The following DOCK1 variants were observed in gnomAD, a reference collection of about 807,000 sequenced individuals.
DOCK1 encodes the protein dedicator of cytokinesis protein 1.
Under a neutral mutation model 262.7 loss-of-function variants are expected in DOCK1, and 138 were observed. The ratio of observed to expected loss-of-function variants is 0.53; its 90% confidence interval spans 0.46 to 0.61. The LOEUF (loss-of-function observed/expected upper bound fraction) is 0.61. Ranked by LOEUF, DOCK1 falls within the 20% of genes least tolerant of loss-of-function variation. The pLI is 0.00. For missense variants in DOCK1, 1,908 were observed against 2,370.7 expected (o/e 0.80, Z 4.05); for synonymous variants, 866 against 867.4 (o/e 1.00, Z 0.03).
At position 127,439,157 on chromosome 10, in the gene DOCK1, T is replaced by C; in HGVS notation, c.5191T>C (p.Phe1731Leu). Residue 1731 changes from phenylalanine (F) to leucine (L), a missense_variant, in exon 49 of 52, where the codon TTT becomes CTT. Phe to Leu is a conservative substitution (Grantham distance 22, BLOSUM62 0). This residue lies in a region of DOCK1 where 383 missense variants were observed against 420.1 expected (regional missense o/e 0.91). Transcript: ENST00000623213. ...EKRNSKHQEI[F>L]EKEFKPTDIS... ...AAGGAACAGCAAACATCAAGAGATA[T>C]TTGAGAAAGAATTTAAACCCACCGA... 12 of 1,609,762 alleles carry C rather than the reference T, an allele frequency of 7.5e-6. No homozygotes were observed. Among genetic ancestry groups the C allele is most frequent in the Non-Finnish European group, 9.3e-6 (11 of 1,178,128 alleles).
At chr10:127,415,303 TC>T in intron 44 of DOCK1, 65 bp downstream of exon 44, 2 of 1,502,352 alleles carry the variant, frequency 1.3e-6, no homozygotes, top group South Asian at 2.4e-5. Context: ...TGCCACGCCT[TC>T]TTCACCTGCT....
intron 27 of DOCK1, among the ~76,000 whole-genome samples, chr10:127,188,413 C>T (rs114021422): frequency 0.018 from 2,723 of 152,178 alleles, 74 homozygotes; most frequent in African/African-American, 0.058. Context: ...TGGTTGGAGA[C>T]GCAAAACATT....
intron 27 of DOCK1, among the ~76,000 whole-genome samples, chr10:127,159,171 G>C (rs945348766): frequency 2.0e-5 from 3 of 152,180 alleles, no homozygotes; most frequent in African/African-American, 7.2e-5. Context: ...TCTACAAGGT[G>C]GTTTTTGTGG....
In DOCK1 at chr10:127,176,638, C is replaced by T. The variant is rs962227566; in HGVS notation, c.2847+48874C>T. 1.2e-4 allele frequency among the ~76,000 whole-genome samples: 18 copies of T among 152,166 alleles called. No homozygotes were observed. Among genetic ancestry groups the T allele is most frequent in the African/African-American group, 4.1e-4 (17 of 41,432 alleles). The stretch of plus-strand genomic sequence containing the variant: ...TTTCCAGGTGGGATACACTCGCTTT[C>T]CTTTTGACAGTAATGCATGTTTCCC... On this transcript the variant is annotated intron_variant, in intron 27 of 51. Coordinates refer to ENST00000623213, the MANE Select transcript of DOCK1 (RefSeq NM_001290223.2). This position sits in a 1 kb window ranked among gnomAD's most constrained non-coding sequence, Gnocchi z 4.4.
intron 27 of DOCK1, among the ~76,000 whole-genome samples, chr10:127,240,909 A>G (rs2059241615): frequency 6.6e-6 from 1 of 152,222 alleles, no homozygotes; most frequent in Non-Finnish European, 1.5e-5. Context: ...TAAATCTGAG[A>G]AATATGATAG....
At chr10:127,316,182 T>G (rs183441548) in intron 29 of DOCK1, among the ~76,000 whole-genome samples, 150 of 152,326 alleles carry the variant, frequency 9.8e-4, no homozygotes, top group African/African-American at 3.4e-3. Flanking sequence ...CACCTAAAAT[T>G]TACTCACGTA....
At chr10:127,259,836 C>G (rs1384992517) in intron 29 of DOCK1, among the ~76,000 whole-genome samples, 1 of 147,798 alleles carries the variant, frequency 6.8e-6, no homozygotes, top group East Asian at 2.0e-4. Flanking sequence ...TCAGTTGGAA[C>G]ATCATAGCCG....
intron 27 of DOCK1, among the ~76,000 whole-genome samples, chr10:127,247,507 A>G (rs2059472702): frequency 1.3e-5 from 2 of 152,162 alleles, no homozygotes. Flanking sequence ...GCCGGATAAT[A>G]AGGGCAGCAA....
chr10:127,243,901 G>A (rs2059346953), intron 27 of DOCK1, among the ~76,000 whole-genome samples: 1 of 152,078 alleles, frequency 6.6e-6, no homozygotes, highest in African/African-American at 2.4e-5. Flanking sequence ...CTCCACTCAT[G>A]ACTATCTGGT....
rs145332946 is a variant in DOCK1 at position 127,348,556 on chromosome 10, A to T, written c.3224+4810A>T. Among the ~76,000 whole-genome samples, 140 of 152,288 alleles carry T rather than the reference A, an allele frequency of 9.2e-4. 1 individual carries two copies. Among genetic ancestry groups the T allele is most frequent in the African/African-American group, 3.2e-3 (133 of 41,554 alleles). ...ATTTCAGCGCAAGAGGTTAAGTTTG[A>T]TGGCAAAGTCCAGCTCAGTGCAGAG... On this transcript the variant is annotated intron_variant, in intron 31 of 51. Transcript: ENST00000623213.
intron 29 of DOCK1, among the ~76,000 whole-genome samples, chr10:127,280,532 G>T (rs1247227937): frequency 6.6e-6 from 1 of 152,190 alleles, no homozygotes; most frequent in Non-Finnish European, 1.5e-5. Context: ...AATGAAGGGA[G>T]CTCAGTCATC....
intron 39 of DOCK1, among the ~76,000 whole-genome samples, chr10:127,404,081 G>T (rs2067374785): frequency 6.6e-6 from 1 of 152,132 alleles, no homozygotes; most frequent in African/African-American, 2.4e-5. Flanking sequence ...CTGAATTTGG[G>T]CTAGTTGGTT....
intron 27 of DOCK1, among the ~76,000 whole-genome samples, chr10:127,158,380 T>C (rs947844486): frequency 2.8e-4 from 42 of 152,304 alleles, no homozygotes; most frequent in Middle Eastern, 3.4e-3. Flanking sequence ...AAGCTTAGGT[T>C]ATTGATGTAA....
chr10:127,306,028 T>C (rs2061861076), intron 29 of DOCK1, among the ~76,000 whole-genome samples: 1 of 150,882 alleles, frequency 6.6e-6, no homozygotes, highest in Non-Finnish European at 1.5e-5. Context: ...TTTTTTTTTT[T>C]TTTTGAGACG....
chr10:126,940,430 C>T (rs2034896437), intron 1 of DOCK1, among the ~76,000 whole-genome samples: 2 of 152,096 alleles, frequency 1.3e-5, no homozygotes, highest in South Asian at 4.1e-4. Flanking sequence ...TTTGTGGAGA[C>T]AGGGTCTCTG....
intron 17 of DOCK1, 90 bp downstream of exon 17, chr10:127,031,843 G>T: frequency 8.7e-7 from 1 of 1,152,990 alleles, no homozygotes; most frequent in East Asian, 2.4e-5. Flanking sequence ...TCCCATCATT[G>T]TGAGGAAGCT....
intron 1 of DOCK1, among the ~76,000 whole-genome samples, chr10:126,925,708 A>G (rs2033649500): frequency 1.3e-5 from 2 of 150,920 alleles, no homozygotes; most frequent in Admixed American, 1.3e-4. Flanking sequence ...AAACACATAC[A>G]CACACATTGC....
intron 29 of DOCK1, among the ~76,000 whole-genome samples, chr10:127,305,010 G>A (rs1252804098): frequency 6.6e-6 from 1 of 152,112 alleles, no homozygotes; most frequent in Non-Finnish European, 1.5e-5. Context: ...TGGTTCCACT[G>A]ATGAGCTTCT....
chr10:127,421,293 A>G (rs2068492792), intron 46 of DOCK1, among the ~76,000 whole-genome samples: 1 of 152,156 alleles, frequency 6.6e-6, no homozygotes, highest in African/African-American at 2.4e-5. Context: ...TTGGCCAATG[A>G]GACGTCTTAG....
Sources: allele counts gnomAD v4.1 joint callset (sites outside exome capture counted in the v4.1 genomes callset), GRCh38; gene constraint gnomAD v4.1.1; regional missense constraint gnomAD v4.1.1; non-coding constraint Gnocchi (gnomAD v3.1); transcripts MANE v1.5; gene names NCBI Gene and HGNC (gene_info 2026-07-23, HGNC 2026-07-21).